The following INTS6 variants were observed in gnomAD, a reference collection of about 807,000 sequenced individuals.
INTS6 encodes the protein integrator complex subunit 6.
Under a neutral mutation model 104.9 loss-of-function variants are expected in INTS6, and 16 were observed. That is an observed-to-expected ratio of 0.15 (90% CI 0.10 to 0.23). INTS6 has a LOEUF of 0.23. Among genes scored for constraint, INTS6 ranks in the 10% least tolerant of loss-of-function variants. The pLI is 1.00. For missense variants in INTS6, 584 were observed against 1,062.8 expected, an observed-to-expected ratio of 0.55 and a Z score of 6.26; for synonymous variants, 324 against 358.7, an observed-to-expected ratio of 0.90 and a Z score of 1.09.
downstream of INTS6, among the ~76,000 whole-genome samples, chr13:51,360,145 G>C (rs899531942): frequency 1.3e-5 from 2 of 152,190 alleles, no homozygotes; most frequent in African/African-American, 4.8e-5. Context: ...GCTATCTCCT[G>C]TGTGTGCGTG....
chr13:51,399,032 CT>C, intron 4 of INTS6, among the ~76,000 whole-genome samples: 1 of 152,280 alleles, frequency 6.6e-6, no homozygotes, highest in East Asian at 1.9e-4. Flanking sequence ...ACTTTACTAA[CT>C]TATGCCCCTC....
At chr13:51,396,695 G>T (rs900468433) in intron 4 of INTS6, among the ~76,000 whole-genome samples, 1 of 152,196 alleles carries the variant, frequency 6.6e-6, no homozygotes, top group Non-Finnish European at 1.5e-5. Flanking sequence ...GAATAGTGGG[G>T]ATATAGGATC....
At chr13:51,387,175 G>A (rs1211706622) in intron 7 of INTS6, among the ~76,000 whole-genome samples, 2 of 152,268 alleles carry the variant, frequency 1.3e-5, no homozygotes, top group South Asian at 2.1e-4. Flanking sequence ...CTAAACGAAG[G>A]AGATGCCTTT....
intron 4 of INTS6, among the ~76,000 whole-genome samples, chr13:51,420,940 C>A (rs1278230432): frequency 6.6e-6 from 1 of 152,106 alleles, no homozygotes; most frequent in African/African-American, 2.4e-5. Context: ...CAAGGTGGTT[C>A]TACTAACTCA....
At chr13:51,426,766 G>A (rs1956992489) in intron 4 of INTS6, among the ~76,000 whole-genome samples, 1 of 151,986 alleles carries the variant, frequency 6.6e-6, no homozygotes, top group South Asian at 2.1e-4. Flanking sequence ...CACTTACATA[G>A]AAAGCTGAAG....
At position 51,450,276 on chromosome 13, in the gene INTS6, C is replaced by A. The variant is rs1196458103; in HGVS notation, c.339+749G>T. The A allele has an allele frequency of 4.1e-6, 4 of 984,866 alleles. No individual in the cohort carries two copies. In the South Asian group the frequency reaches 1.9e-4, roughly 46 times the overall value. The allele number at this position is 984,866 out of a possible 1,614,324, so 61.0% of individuals were successfully genotyped here. A position where few individuals can be genotyped will look rare whatever the true frequency, so the allele number is the denominator to read the frequency against. ...AGGGCAATAATATCATAAAATGTTA[C>A]AATAGACCACCTTGCATTATTCCTT... is the stretch of plus-strand genomic sequence containing the variant. On this transcript the variant is annotated intron_variant, in intron 3 of 17. Coordinates refer to ENST00000311234, the MANE Select transcript of INTS6 (RefSeq NM_012141.3).
downstream of INTS6, among the ~76,000 whole-genome samples, chr13:51,359,916 A>T (rs1407812774): frequency 1.3e-5 from 2 of 152,042 alleles, no homozygotes; most frequent in Non-Finnish European, 2.9e-5. Context: ...AAAATAAATC[A>T]AATTCTTTGC....
intron 3 of INTS6, chr13:51,444,023 T>C (rs769260321): frequency 1.1e-4 from 17 of 152,188 alleles, no homozygotes; most frequent in Non-Finnish European, 1.8e-4. Flanking sequence ...TATTCTCCTA[T>C]ATCGAAAGAA....
At position 51,362,090 on chromosome 13, in the gene INTS6, A is replaced by G. The variant is rs1315876406; in HGVS notation, c.*3662T>C. ...TAAGTACAAAGGAAACTTATCCTCC[A>G]TGTTTTTTACCTTCTCATTCTCTCA... On this transcript the variant is annotated 3_prime_UTR_variant, in exon 18 of 18. Coordinates refer to ENST00000311234, the MANE Select transcript of INTS6 (RefSeq NM_012141.3). The G allele has an allele frequency of 4.7e-5, 72 of 1,517,784 alleles. No homozygotes were observed. 94.0% of individuals were successfully genotyped at this position (1,517,784 alleles called of 1,614,324 possible).
Position 51,452,653 on chromosome 13 carries a change from T to C in INTS6, c.-128A>G. On this transcript the variant is annotated 5_prime_UTR_variant, in exon 1 of 18. Transcript: ENST00000311234. This position sits in a 1 kb window ranked among gnomAD's most constrained non-coding sequence, Gnocchi z 4.2. Reference sequence around the variant, plus strand: ...CACGGCCCCCGGGAGGAAAACACTGTCTGGGTCTTTCCTCCGGCTGCGGGG... The same window carrying C: ...CACGGCCCCCGGGAGGAAAACACTGCCTGGGTCTTTCCTCCGGCTGCGGGG... 2 of 1,461,452 alleles carry C rather than the reference T, an allele frequency of 1.4e-6. No individual in the cohort carries two copies. The highest frequency in any genetic ancestry group is 1.8e-6 in the Non-Finnish European group (2 of 1,106,504). 90.5% of individuals were successfully genotyped at this position (1,461,452 alleles called of 1,614,324 possible).
chr13:51,375,999 C>A, intron 13 of INTS6, 49 bp downstream of exon 13: 1 of 1,499,604 alleles, frequency 6.7e-7, no homozygotes, highest in Non-Finnish European at 9.0e-7. Flanking sequence ...CTTTTTCAGA[C>A]TATAAAGAAA....
intron 5 of INTS6, among the ~76,000 whole-genome samples, chr13:51,393,561 T>G (rs561507397): frequency 6.6e-6 from 1 of 152,324 alleles, no homozygotes; most frequent in African/African-American, 2.4e-5. Flanking sequence ...TATGAAAAGA[T>G]GAGTGACATT....
chr13:51,417,452 C>CTTT lies in INTS6; in HGVS notation c.429+12839_429+12841dup, dbSNP rs34887995. Among the ~76,000 whole-genome samples the CTTT allele has an allele frequency of 1.1e-3, 128 of 112,542 alleles. 2 individuals carry two copies. Among genetic ancestry groups the CTTT allele is most frequent in the African/African-American group, 4.0e-3 (108 of 26,948 alleles). The allele number at this position is 112,542 out of a possible 152,430, so 73.8% of individuals were successfully genotyped here. On this transcript the variant is annotated intron_variant, in intron 4 of 17. Coordinates refer to ENST00000311234, the MANE Select transcript of INTS6 (RefSeq NM_012141.3). ...CCCAAAACCATTTGCTAAGAAAATT[C>CTTT]TTTTTTTTTTTTTTTTTTTTGAGAC...
rs1955581582 is a variant in INTS6, at chr13:51,361,750, ATAGT to A, written c.*3998_*4001del. 1 of 1,422,158 alleles carries A rather than the reference ATAGT, an allele frequency of 7.0e-7. No homozygotes were observed. Among genetic ancestry groups the A allele is most frequent in the Admixed American group, 2.3e-5 (1 of 42,584 alleles). The allele number at this position is 1,422,158 out of a possible 1,614,324, so 88.1% of individuals were successfully genotyped here. The stretch of plus-strand genomic sequence containing the variant: ...AAAAAATTAACTTACTTCATAACCA[ATAGT>A]TATTTTCTTAAAAATGCACAGAAAA... On this transcript the variant is annotated 3_prime_UTR_variant, in exon 18 of 18. Coordinates refer to ENST00000311234, the MANE Select transcript of INTS6 (RefSeq NM_012141.3).
intron 5 of INTS6, among the ~76,000 whole-genome samples, chr13:51,392,167 T>C (rs546608554): frequency 6.6e-6 from 1 of 152,362 alleles, no homozygotes; most frequent in South Asian, 2.1e-4. Flanking sequence ...ACAGGTGAAG[T>C]GGTATTTCAG....
chr13:51,371,048 A>C (rs1042189399), intron 15 of INTS6, among the ~76,000 whole-genome samples: 15 of 152,066 alleles, frequency 9.9e-5, no homozygotes, highest in Admixed American at 9.8e-4. Context: ...TCTTACTACT[A>C]CTCGAAGTCT....
intron 4 of INTS6, among the ~76,000 whole-genome samples, chr13:51,413,520 C>G (rs1247730712): frequency 6.6e-6 from 1 of 152,138 alleles, no homozygotes; most frequent in Admixed American, 6.5e-5. Flanking sequence ...AAAACTGAAA[C>G]TCAAAATGAG....
At chr13:51,371,876 G>A (rs138543933) in intron 15 of INTS6, among the ~76,000 whole-genome samples, 194 of 152,010 alleles carry the variant, frequency 1.3e-3, no homozygotes, top group Admixed American at 4.3e-3. Context: ...ACACACCCTC[G>A]CCCCACTTCC....
the INTS6 span, chr13:51,344,499 G>C: frequency 2.6e-6 from 4 of 1,545,644 alleles, no homozygotes; most frequent in Non-Finnish European, 3.5e-6. Flanking sequence ...AAAGAAAACT[G>C]TACATTTCAA....
Sources: allele counts gnomAD v4.1 joint callset (sites outside exome capture counted in the v4.1 genomes callset), GRCh38; gene constraint gnomAD v4.1.1; non-coding constraint Gnocchi (gnomAD v3.1); transcripts MANE v1.5; gene names NCBI Gene and HGNC (gene_info 2026-07-23, HGNC 2026-07-21).